Variants in ZNF525 observed in about 807,000 individuals in gnomAD.
ZNF525 encodes the protein zinc finger protein 525.
ZNF525 carries 33 observed loss-of-function variants against 37.6 expected under a neutral mutation model. The observed-to-expected ratio is 0.88, with a 90% confidence interval of 0.67 to 1.17. The LOEUF (loss-of-function observed/expected upper bound fraction) is 1.17. ZNF525 is among the 50% of genes most tolerant of loss of function. The probability of loss-of-function intolerance (pLI) is 0.00; values close to 1 mark genes in which losing one functional copy is unlikely to be tolerated. For missense variants in ZNF525, 449 were observed against 543.1 expected (o/e 0.83, Z 1.72); for synonymous variants, 170 against 182.3 (o/e 0.93, Z 0.54).
rs1252640228 is a variant in ZNF525, at chr19:53,382,479, T to A, written c.*460T>A. 1.4e-6 allele frequency: 1 copy of A among 699,458 alleles called. No individual in the cohort carries two copies. The highest frequency in any genetic ancestry group is 2.6e-6 in the Non-Finnish European group (1 of 380,298). The allele number at this position is 699,458 out of a possible 1,614,324, so 43.3% of individuals were successfully genotyped here. A position where few individuals can be genotyped will look rare whatever the true frequency, so the allele number is the denominator to read the frequency against. On this transcript the variant is annotated 3_prime_UTR_variant, in exon 4 of 4. Coordinates refer to ENST00000474037, the MANE Select transcript of ZNF525 (RefSeq NM_001348156.2). Reference sequence around the variant, plus strand: ...TCATAGACTTCATACTGGAAATAAATCTTATAAGTGTAATGAGTGTGGCAA... The same window carrying A: ...TCATAGACTTCATACTGGAAATAAAACTTATAAGTGTAATGAGTGTGGCAA...
Position 53,384,719 on chromosome 19 carries a change from C to T in ZNF525, c.*2700C>T. The T allele has an allele frequency of 2.4e-6, 1 of 420,732 alleles. No homozygotes were observed. The highest frequency in any genetic ancestry group is 4.3e-6 in the Non-Finnish European group (1 of 235,030). The allele number at this position is 420,732 out of a possible 1,614,324, so 26.1% of individuals were successfully genotyped here. ...GTCTGTGATTTTCTACACAGAAGGT[C>T]ATGTCGTCTACAAACAAATGTAATT... is the stretch of plus-strand genomic sequence containing the variant. On this transcript the variant is annotated 3_prime_UTR_variant, in exon 4 of 4. Transcript: ENST00000474037.
In ZNF525 at chr19:53,381,209, GA is replaced by G. The variant is rs1205218573; in HGVS notation, c.631del (p.Arg211GlufsTer20). 7.4e-7 allele frequency: 1 copy of G among 1,345,002 alleles called. No individual in the cohort carries two copies. Among genetic ancestry groups the G allele is most frequent in the East Asian group, 2.3e-5 (1 of 43,614 alleles). 83.3% of individuals were successfully genotyped at this position (1,345,002 alleles called of 1,614,324 possible). On this transcript the variant is annotated frameshift_variant, in exon 4 of 4. Coordinates refer to ENST00000474037, the MANE Select transcript of ZNF525 (RefSeq NM_001348156.2). LOFTEE classifies it high-confidence loss of function. ...TCACACAAAGACAGGAAGTACGCATGAGAGAAAAATCTTTCCAATGTATTGA... is the reference window on the plus strand; with the variant it reads ...TCACACAAAGACAGGAAGTACGCATGGAGAAAAATCTTTCCAATGTATTGA... ...LLTQRQEVRM[R>X]EKSFQCIESG...
chr19:53,378,745 T>C (rs1231828041), intron 3 of ZNF525, among the ~76,000 whole-genome samples: 1 of 152,092 alleles, frequency 6.6e-6, no homozygotes, highest in Non-Finnish European at 1.5e-5. Flanking sequence ...AATGTCTCTT[T>C]TTATGAAAGC....
intron 1 of ZNF525, among the ~76,000 whole-genome samples, chr19:53,366,783 C>T (rs532170927): frequency 7.4e-6 from 1 of 134,690 alleles, no homozygotes; most frequent in Non-Finnish European, 1.6e-5. Flanking sequence ...ATCTGGGGTG[C>T]CAGAGAGTGG....
At chr19:53,367,937 T>C (rs988457707) in intron 1 of ZNF525, among the ~76,000 whole-genome samples, 5 of 152,208 alleles carry the variant, frequency 3.3e-5, no homozygotes, top group African/African-American at 1.2e-4. Flanking sequence ...TTATGACTTA[T>C]CTCGTGCCCA....
Position 53,381,419 on chromosome 19 carries a change from C to T in ZNF525, c.840C>T (p.Phe280=), listed in dbSNP as rs766427114. ...PYKCNECGKS[F]SQMSSLTYHH... ...AGTGTAATGAGTGTGGCAAGTCCTT[C>T]AGTCAGATGTCATCCCTTACATATC... Residue 280 remains phenylalanine, a synonymous_variant, in exon 4 of 4, where the codon TTC becomes TTT. Transcript: ENST00000474037. The T allele has an allele frequency of 1.4e-5, 22 of 1,568,456 alleles. No homozygotes were observed. The highest frequency in any genetic ancestry group is 1.9e-5 in the Non-Finnish European group (22 of 1,138,632).
rs2085566106 is a variant in ZNF525, at chr19:53,381,766, C to G, written c.1187C>G (p.Ser396Ter). 1 of 1,052,814 alleles carries G rather than the reference C, an allele frequency of 9.5e-7. No homozygotes were observed. Among genetic ancestry groups the G allele is most frequent in the African/African-American group, 1.5e-5 (1 of 64,678 alleles). The allele number at this position is 1,052,814 out of a possible 1,614,324, so 65.2% of individuals were successfully genotyped here. A position where few individuals can be genotyped will look rare whatever the true frequency, so the allele number is the denominator to read the frequency against. ...TGTGGCAAGACCTTCAGTCATATGT[C>G]AACCCTTACATGCCATCGTAGACTT... Reference protein sequence around the residue: ...NDCGKTFSHMSTLTCHRRLHT... With the variant: ...NDCGKTFSHM The change falls in exon 4 of 4, where the codon TCA (serine) becomes TGA (stop). Residue 396 changes from serine to a stop codon, truncating the protein, a stop_gained. Coordinates refer to ENST00000474037, the MANE Select transcript of ZNF525 (RefSeq NM_001348156.2). LOFTEE classifies it high-confidence loss of function.
At chr19:53,370,959 C>T (rs2085484041) in intron 1 of ZNF525, among the ~76,000 whole-genome samples, 1 of 152,192 alleles carries the variant, frequency 6.6e-6, no homozygotes, top group Non-Finnish European at 1.5e-5. Flanking sequence ...CTCCCTTTGC[C>T]CCAGTCACAT....
In ZNF525 at chr19:53,381,324, G is replaced by A. The variant is rs745985076; in HGVS notation, c.745G>A (p.Asp249Asn). ...GAAACAATATAAATGTGATGTATGT[G>A]ACAAGGTCTTTATTCGGAAGCGATA... ...GEKQYKCDVC[D>N]KVFIRKRYLA... Residue 249 changes from aspartate to asparagine, a missense_variant, in exon 4 of 4, where the codon GAC becomes AAC. Transcript: ENST00000474037. 3.3e-6 allele frequency: 5 copies of A among 1,527,816 alleles called. No homozygotes were observed. The Admixed American group carries it at 5.0e-5, about 15-fold the overall frequency. 94.6% of individuals were successfully genotyped at this position (1,527,816 alleles called of 1,614,324 possible). A position where few individuals can be genotyped will look rare whatever the true frequency, so the allele number is the denominator to read the frequency against.
At chr19:53,379,092 G>C (rs1295166363) in intron 3 of ZNF525, among the ~76,000 whole-genome samples, 1 of 151,456 alleles carries the variant, frequency 6.6e-6, no homozygotes, top group African/African-American at 2.4e-5. Flanking sequence ...CATCATAATT[G>C]CACCCTCCGG....
intron 1 of ZNF525, among the ~76,000 whole-genome samples, chr19:53,371,646 G>T (rs2085488834): frequency 6.6e-6 from 1 of 152,142 alleles, no homozygotes; most frequent in Non-Finnish European, 1.5e-5. Context: ...TAGTATTACA[G>T]GCGTGAGCCA....
At chr19:53,368,271 A>G (rs530258468) in intron 1 of ZNF525, among the ~76,000 whole-genome samples, 11 of 152,266 alleles carry the variant, frequency 7.2e-5, no homozygotes, top group South Asian at 6.2e-4. Flanking sequence ...TAGAGAAGAG[A>G]AACGGGAGAA....
At position 53,372,278 on chromosome 19, in the gene ZNF525, A is replaced by G; in HGVS notation, c.-4A>G. 1.3e-6 allele frequency: 1 copy of G among 777,948 alleles called. No homozygotes were observed. Among genetic ancestry groups the G allele is most frequent in the East Asian group, 2.4e-5 (1 of 41,244 alleles). 48.2% of individuals were successfully genotyped at this position (777,948 alleles called of 1,614,324 possible). ...CCCGGAAAAGGAAAGCAGAGGAGTC[A>G]GGGATGGCTCTTCCTCAGGTGAGAC... On this transcript the variant is annotated 5_prime_UTR_variant, in exon 2 of 4. Transcript: ENST00000474037.
Position 53,376,056 on chromosome 19 carries a change from T to G in ZNF525, c.142+160T>G. On this transcript the variant is annotated intron_variant, in intron 3 of 3. Coordinates refer to ENST00000474037, the MANE Select transcript of ZNF525 (RefSeq NM_001348156.2). The stretch of plus-strand genomic sequence containing the variant: ...TTGAATTCCTGGGCTCAAGTGATTG[T>G]CCCACCTCAGCCTCCCCTCGTAGTG... 4.7e-6 allele frequency: 7 copies of G among 1,492,604 alleles called. 1 individual carries two copies. The South Asian group carries it at 8.6e-5, about 18-fold the overall frequency. 92.5% of individuals were successfully genotyped at this position (1,492,604 alleles called of 1,614,324 possible).
chr19:53,367,802 A>C (rs945552243), intron 1 of ZNF525, among the ~76,000 whole-genome samples: 1 of 152,006 alleles, frequency 6.6e-6, no homozygotes, highest in African/African-American at 2.4e-5. Flanking sequence ...TCTAAAGCTA[A>C]TCTATTTTGG....
intron 1 of ZNF525, among the ~76,000 whole-genome samples, chr19:53,367,187 C>T (rs2085454254): frequency 6.6e-6 from 1 of 152,092 alleles, no homozygotes; most frequent in Non-Finnish European, 1.5e-5. Flanking sequence ...GAGCTCATTC[C>T]TTTGGCTTCA....
intron 2 of ZNF525, among the ~76,000 whole-genome samples, chr19:53,372,660 C>T (rs941956098): frequency 2.0e-5 from 3 of 152,158 alleles, no homozygotes; most frequent in Non-Finnish European, 4.4e-5. Context: ...CTGGAAGTCA[C>T]GCACTAATGT....
Position 53,381,997 on chromosome 19 carries a change from A to G in ZNF525, c.1418A>G (p.Asp473Gly), listed in dbSNP as rs2085569429. Residue 473 changes from aspartate to glycine, a missense_variant, in exon 4 of 4, where the codon GAC becomes GGC. Transcript: ENST00000474037. ...AAACCTTGCAAGTGTGGAGAATGTG[A>G]CAAGGCTTACAGTTTCAAATAAAAT... is the stretch of plus-strand genomic sequence containing the variant. ...GEKPCKCGEC[D>G]KAYSFK The G allele has an allele frequency of 8.6e-7, 1 of 1,160,456 alleles. No homozygotes were observed. Among genetic ancestry groups the G allele is most frequent in the Non-Finnish European group, 1.3e-6 (1 of 776,448 alleles). 71.9% of individuals were successfully genotyped at this position (1,160,456 alleles called of 1,614,324 possible). A position where few individuals can be genotyped will look rare whatever the true frequency, so the allele number is the denominator to read the frequency against.
rs1477460383 is a variant in ZNF525, at chr19:53,376,149, T to C, written c.142+253T>C. ...TTTTTTTAGAGACAGGTTCTTGCTG[T>C]GCGGTTGAAGTTGGTCTTGATCTCC... On this transcript the variant is annotated intron_variant, in intron 3 of 3. Coordinates refer to ENST00000474037, the MANE Select transcript of ZNF525 (RefSeq NM_001348156.2). The C allele has an allele frequency of 6.5e-6, 6 of 919,096 alleles. No individual in the cohort carries two copies. The Admixed American group carries it at 1.2e-4, about 18-fold the overall frequency. The allele number at this position is 919,096 out of a possible 1,614,324, so 56.9% of individuals were successfully genotyped here. A position where few individuals can be genotyped will look rare whatever the true frequency, so the allele number is the denominator to read the frequency against.
Sources: gnomAD v4.1 joint callset for allele counts (sites outside exome capture counted in the v4.1 genomes callset) on GRCh38, gnomAD v4.1.1 for gene constraint, MANE v1.5 for transcripts, NCBI Gene and HGNC (gene_info 2026-07-23, HGNC 2026-07-21) for gene names.